Variants in OR10J1 observed in about 807,000 individuals in gnomAD.
OR10J1 encodes olfactory receptor family 10 subfamily J member 1.
For synonymous variants in OR10J1, 202 were observed against 143.8 expected (o/e 1.40, Z -2.89); for missense variants, 474 against 376.6 (o/e 1.26, Z -2.14).
At chr1:159,399,506 G>A in the OR10J1 span, among the ~76,000 whole-genome samples, 2 of 146,364 alleles carry the variant, frequency 1.4e-5, no homozygotes, top group Non-Finnish European at 3.0e-5. Flanking sequence ...GGGAGGTGGA[G>A]CTTGCAGTGA....
chr1:159,398,924 G>A, the OR10J1 span, among the ~76,000 whole-genome samples: 3 of 152,060 alleles, frequency 2.0e-5, no homozygotes, highest in Non-Finnish European at 2.9e-5. Context: ...GATATCAATA[G>A]CAAGTGCAAG....
chr1:159,410,026 C>G, the OR10J1 span, among the ~76,000 whole-genome samples: 1 of 152,134 alleles, frequency 6.6e-6, no homozygotes, highest in Non-Finnish European at 1.5e-5. Context: ...ATTGAACCAG[C>G]CTTGCATCCC....
chr1:159,416,712 G>A, the OR10J1 span, among the ~76,000 whole-genome samples: 1 of 151,836 alleles, frequency 6.6e-6, no homozygotes, highest in Non-Finnish European at 1.5e-5. Flanking sequence ...TCCAATTCTG[G>A]GATTTTCTTT....
chr1:159,408,135 A>C, the OR10J1 span, among the ~76,000 whole-genome samples: 1 of 152,154 alleles, frequency 6.6e-6, no homozygotes, highest in East Asian at 1.9e-4. Context: ...GATCCAGATG[A>C]AGCAGCATGA....
Position 159,440,263 on chromosome 1 carries a change from A to G in OR10J1, c.472A>G (p.Thr158Ala). The G allele has an allele frequency of 6.2e-7, 1 of 1,614,150 alleles. No individual in the cohort carries two copies. The highest frequency in any genetic ancestry group is 8.5e-7 in the Non-Finnish European group (1 of 1,180,008). ...ACSIGLIVAI[T>A]QVTSVFRLPF... ...CAGCATTGGGCTGATTGTAGCAATA[A>G]CGCAAGTGACATCTGTATTCAGGTT... The change falls in exon 1 of 1, where the codon ACG (threonine) becomes GCG (alanine). Residue 158 changes from threonine (T) to alanine (A), a missense_variant. Physicochemically the swap from Thr to Ala is moderately conservative, Grantham distance 58. Coordinates refer to ENST00000423932, the MANE Select transcript of OR10J1 (RefSeq NM_012351.3).
At chr1:159,420,189 C>T in the OR10J1 span, among the ~76,000 whole-genome samples, 1 of 151,978 alleles carries the variant, frequency 6.6e-6, no homozygotes, top group African/African-American at 2.4e-5. Flanking sequence ...TTTTCTATTC[C>T]CTTACTTTCA....
At chr1:159,438,835 G>A (rs925225720), upstream of OR10J1, among the ~76,000 whole-genome samples, 1 of 152,162 alleles carries the variant, frequency 6.6e-6, no homozygotes, top group Non-Finnish European at 1.5e-5. Flanking sequence ...AAATTGAACT[G>A]ATCCCCTTCC....
the OR10J1 span, among the ~76,000 whole-genome samples, chr1:159,408,214 C>A: frequency 1.3e-4 from 20 of 151,898 alleles, no homozygotes; most frequent in Admixed American, 7.2e-4. Context: ...TGGAACCAAC[C>A]CAAATGTCCA....
At chr1:159,435,667 C>CCTGAAAGA, upstream of OR10J1, among the ~76,000 whole-genome samples, 1 of 152,164 alleles carries the variant, frequency 6.6e-6, no homozygotes, top group African/African-American at 2.4e-5. Flanking sequence ...TGTTTTGAGC[C>CCTGAAAGA]CTATCCGGGG....
the OR10J1 span, among the ~76,000 whole-genome samples, chr1:159,417,476 A>T: frequency 1.3e-5 from 2 of 152,286 alleles, no homozygotes; most frequent in East Asian, 3.9e-4. Flanking sequence ...ATAGTGAATA[A>T]GTCTTACGAG....
the OR10J1 span, among the ~76,000 whole-genome samples, chr1:159,412,772 G>C: frequency 9.2e-5 from 14 of 151,668 alleles, no homozygotes; most frequent in East Asian, 1.2e-3. Context: ...AGGACATAGG[G>C]ATGGGCAAGG....
At chr1:159,402,636 T>G in the OR10J1 span, among the ~76,000 whole-genome samples, 1 of 151,944 alleles carries the variant, frequency 6.6e-6, no homozygotes, top group Admixed American at 6.6e-5. Context: ...GGAAAAAGAT[T>G]CCATGTTTAT....
the OR10J1 span, chr1:159,432,837 T>C: frequency 4.9e-6 from 2 of 407,782 alleles, no homozygotes. Flanking sequence ...GTTCTGCCCA[T>C]GGTATTGATC....
chr1:159,432,298 T>C, the OR10J1 span: 2 of 401,216 alleles, frequency 5.0e-6, no homozygotes, highest in Non-Finnish European at 8.8e-6. Context: ...TTTGTGATCT[T>C]TTTGGTCTTG....
chr1:159,410,276 C>G, the OR10J1 span, among the ~76,000 whole-genome samples: 1 of 152,112 alleles, frequency 6.6e-6, no homozygotes, highest in Admixed American at 6.6e-5. Flanking sequence ...AGGAATGGTA[C>G]CAGTTCCTCC....
chr1:159,427,609 G>C, the OR10J1 span, among the ~76,000 whole-genome samples: 1 of 151,818 alleles, frequency 6.6e-6, no homozygotes, highest in African/African-American at 2.4e-5. Flanking sequence ...AAATGTACTA[G>C]AATAAAAACC....
rs1406681669 is a variant in OR10J1 at position 159,440,839 on chromosome 1, G to T, written c.*118G>T. The T allele has an allele frequency of 9.4e-6, 10 of 1,069,134 alleles. No homozygotes were observed. The highest frequency in any genetic ancestry group is 9.3e-6 in the Non-Finnish European group (7 of 751,030). The allele number at this position is 1,069,134 out of a possible 1,614,324, so 66.2% of individuals were successfully genotyped here. A position where few individuals can be genotyped will look rare whatever the true frequency, so the allele number is the denominator to read the frequency against. On this transcript the variant is annotated 3_prime_UTR_variant, in exon 1 of 1. Transcript: ENST00000423932. ...GCCCCTTAAATAAGAGGCAAAAGAG[G>T]AATAGCAGTTTCATACAACTGGGAG... is the stretch of plus-strand genomic sequence containing the variant.
chr1:159,415,724 T>C, the OR10J1 span, among the ~76,000 whole-genome samples: 1 of 152,064 alleles, frequency 6.6e-6, no homozygotes, highest in South Asian at 2.1e-4. Flanking sequence ...TAATATTCAC[T>C]TTTAGTAATA....
At chr1:159,412,750 G>A in the OR10J1 span, among the ~76,000 whole-genome samples, 1 of 151,572 alleles carries the variant, frequency 6.6e-6, no homozygotes, top group Non-Finnish European at 1.5e-5. Context: ...GAAAACCTAG[G>A]CGTTACCATT....
Sources: allele counts gnomAD v4.1 joint callset (sites outside exome capture counted in the v4.1 genomes callset), GRCh38; gene constraint gnomAD v4.1.1; transcripts MANE v1.5; gene names NCBI Gene and HGNC (gene_info 2026-07-23, HGNC 2026-07-21).